Variants in CSMD3 observed in about 807,000 individuals in gnomAD.
The protein encoded by CSMD3 is CUB and sushi domain-containing protein 3.
Under a neutral mutation model 435.2 loss-of-function variants are expected in CSMD3, and 177 were observed. The observed-to-expected ratio is 0.41, with a 90% CI of 0.36 to 0.46. CSMD3 has a LOEUF of 0.46. Among genes scored for constraint, CSMD3 ranks in the 20% least tolerant of loss-of-function variants. The pLI, the probability that CSMD3 is intolerant of heterozygous loss-of-function variation, is 0.34. For synonymous variants in CSMD3, 1,656 were observed against 1,520.5 expected, an observed-to-expected ratio of 1.09 and a Z score of -2.07; for missense variants, 4,265 against 4,504.6, an observed-to-expected ratio of 0.95 and a Z score of 1.52.
At chr8:112,680,461 C>T (rs895219801) in intron 16 of CSMD3, among the ~76,000 whole-genome samples, 7 of 152,138 alleles carry the variant, frequency 4.6e-5, no homozygotes, top group South Asian at 2.1e-4. Flanking sequence ...GAATGGGCTC[C>T]GGCAAAAAGA....
At chr8:113,295,679 C>A (rs1045929979) in intron 2 of CSMD3, among the ~76,000 whole-genome samples, 9 of 152,146 alleles carry the variant, frequency 5.9e-5, no homozygotes, top group Admixed American at 4.6e-4. Flanking sequence ...ATTGCCTAAG[C>A]TTAGGAGTTC....
At chr8:112,741,251 C>T (rs1440761484) in intron 13 of CSMD3, among the ~76,000 whole-genome samples, 1 of 151,796 alleles carries the variant, frequency 6.6e-6, no homozygotes, top group African/African-American at 2.4e-5. Context: ...ATAAGAAACT[C>T]CTACAACTCA....
Position 113,064,976 on chromosome 8 carries a change from T to C in CSMD3, c.917+33780A>G, listed in dbSNP as rs149886273. ...CTTGAATACTTTTAAAGAAAAACAA[T>C]TGATACTTTTAATAAGTATGCATGG... On this transcript the variant is annotated intron_variant, in intron 5 of 70. Transcript: ENST00000297405. Among the ~76,000 whole-genome samples, 825 of 152,262 alleles carry C rather than the reference T, an allele frequency of 5.4e-3. 2 individuals are homozygous for C. Among genetic ancestry groups the C allele is most frequent in the Non-Finnish European group, 8.4e-3 (572 of 67,996 alleles).
intron 4 of CSMD3, among the ~76,000 whole-genome samples, chr8:113,131,762 C>T (rs190499901): frequency 9.8e-5 from 15 of 152,294 alleles, no homozygotes; most frequent in African/African-American, 3.4e-4. Context: ...CAGCACCGTG[C>T]ACCTGGAAAA....
At chr8:112,925,539 G>A (rs1027127644) in intron 9 of CSMD3, among the ~76,000 whole-genome samples, 1 of 150,002 alleles carries the variant, frequency 6.7e-6, no homozygotes. Context: ...CTCGACAGAG[G>A]GAGACGCCAT....
intron 6 of CSMD3, among the ~76,000 whole-genome samples, chr8:113,009,382 T>C (rs1564203802): frequency 2.0e-5 from 3 of 151,886 alleles, no homozygotes; most frequent in Non-Finnish European, 1.5e-5. Flanking sequence ...TCGGTATTCA[T>C]ATTTACTAAC....
chr8:113,331,342 G>A (rs2132770976), intron 1 of CSMD3, among the ~76,000 whole-genome samples: 1 of 151,328 alleles, frequency 6.6e-6, no homozygotes, highest in African/African-American at 2.4e-5. Flanking sequence ...AAGCTTCATT[G>A]GTGAGTTTTA....
chr8:112,755,349 T>TAACAATAAC (rs148433637), intron 13 of CSMD3, among the ~76,000 whole-genome samples: 4 of 146,634 alleles, frequency 2.7e-5, no homozygotes, highest in Admixed American at 6.9e-5. Flanking sequence ...ATAATAATAA[T>TAACAATAAC]AATAATAATA....
chr8:112,752,898 C>CGT (rs1554670830), intron 13 of CSMD3, among the ~76,000 whole-genome samples: 3 of 96,018 alleles, frequency 3.1e-5, no homozygotes, highest in Admixed American at 1.1e-4. Context: ...TATTTGTTAC[C>CGT]GCGTGTGTGT....
intron 3 of CSMD3, among the ~76,000 whole-genome samples, chr8:113,180,097 T>C (rs1310748188): frequency 6.6e-5 from 10 of 151,892 alleles, no homozygotes; most frequent in African/African-American, 9.7e-5. Flanking sequence ...CAAAATTATA[T>C]CTACTAAGGG....
At chr8:113,139,689 CAG>C (rs2091500984) in intron 4 of CSMD3, among the ~76,000 whole-genome samples, 1 of 150,856 alleles carries the variant, frequency 6.6e-6, no homozygotes, top group Non-Finnish European at 1.5e-5. Context: ...AAAGAGAAAG[CAG>C]ACTTACGTCC....
At chr8:113,231,592 G>C (rs371522196) in intron 3 of CSMD3, among the ~76,000 whole-genome samples, 1 of 151,402 alleles carries the variant, frequency 6.6e-6, no homozygotes, top group Admixed American at 6.6e-5. Flanking sequence ...AAAATTATTT[G>C]TAGAGAAATT....
chr8:113,273,341 G>T (rs932730391), intron 3 of CSMD3, among the ~76,000 whole-genome samples: 10 of 151,494 alleles, frequency 6.6e-5, no homozygotes, highest in African/African-American at 2.2e-4. Flanking sequence ...GTACTATAGG[G>T]TCCCCTTGTT....
intron 4 of CSMD3, among the ~76,000 whole-genome samples, chr8:113,112,161 T>C (rs1180294865): frequency 6.6e-6 from 1 of 151,848 alleles, no homozygotes; most frequent in African/African-American, 2.4e-5. Context: ...GCTGGAGATC[T>C]CTCCAAGTTA....
chr8:113,077,253 T>A (rs2089379525), intron 5 of CSMD3, among the ~76,000 whole-genome samples: 1 of 151,948 alleles, frequency 6.6e-6, no homozygotes, highest in Non-Finnish European at 1.5e-5. Context: ...GCTTACCGGA[T>A]CTCTGGATGA....
At chr8:113,345,148 T>C (rs886523842) in intron 1 of CSMD3, among the ~76,000 whole-genome samples, 5 of 152,112 alleles carry the variant, frequency 3.3e-5, no homozygotes, top group African/African-American at 9.6e-5. Context: ...CTTTTATTAT[T>C]TGTATTACTA....
chr8:112,782,090 G>T (rs926437597), intron 13 of CSMD3, among the ~76,000 whole-genome samples: 7 of 151,886 alleles, frequency 4.6e-5, no homozygotes, highest in African/African-American at 1.7e-4. Context: ...CTTACCAAAT[G>T]AACTAAAGAA....
At chr8:112,966,592 T>C (rs967108385) in intron 7 of CSMD3, among the ~76,000 whole-genome samples, 1 of 151,818 alleles carries the variant, frequency 6.6e-6, no homozygotes, top group African/African-American at 2.4e-5. Context: ...CTCTTTGTTA[T>C]TTGATACATT....
At chr8:112,684,804 G>A (rs1171947231) in intron 15 of CSMD3, among the ~76,000 whole-genome samples, 1 of 152,096 alleles carries the variant, frequency 6.6e-6, no homozygotes, top group East Asian at 1.9e-4. Flanking sequence ...TGTACTCTGT[G>A]CTAAATTATT....
Sources: allele counts gnomAD v4.1 joint callset (sites outside exome capture counted in the v4.1 genomes callset), GRCh38; gene constraint gnomAD v4.1.1; transcripts MANE v1.5; gene names NCBI Gene and HGNC (gene_info 2026-07-23, HGNC 2026-07-21).